The following SATB2 variants were observed in gnomAD, a reference collection of about 807,000 sequenced individuals.
The protein encoded by SATB2 is DNA-binding protein SATB2.
In SATB2, 1 loss-of-function variant was observed where a neutral mutation model predicts 73.4. That is an observed-to-expected ratio of 0.01 (90% CI 0.00 to 0.06). The LOEUF (loss-of-function observed/expected upper bound fraction) is 0.06. SATB2 is among the 10% of genes least tolerant of loss of function. SATB2 has a pLI of 1.00. For synonymous variants in SATB2, 397 were observed against 367.0 expected (o/e 1.08, Z -0.93); for missense variants, 459 against 945.8 (o/e 0.49, Z 6.75).
intron 9 of SATB2, among the ~76,000 whole-genome samples, 160 bp downstream of exon 9, chr2:199,323,643 A>G (rs917479818): frequency 1.3e-5 from 2 of 152,130 alleles, no homozygotes; most frequent in African/African-American, 2.4e-5. Flanking sequence ...TTGAACTCCA[A>G]TGGGAATAAA....
chr2:199,288,539 G>A (rs1056751785), intron 10 of SATB2, among the ~76,000 whole-genome samples: 2 of 152,136 alleles, frequency 1.3e-5, no homozygotes, highest in African/African-American at 4.8e-5. Context: ...AATTTTTACA[G>A]TTGGGGTACT....
intron 6 of SATB2, among the ~76,000 whole-genome samples, chr2:199,368,336 T>C (rs1035103110): frequency 6.6e-6 from 1 of 152,144 alleles, no homozygotes; most frequent in African/African-American, 2.4e-5. Context: ...AGCTTTTAAG[T>C]TTCCATTCTA....
upstream of SATB2, chr2:199,467,365 T>C (rs996752639): frequency 3.9e-5 from 6 of 152,316 alleles, no homozygotes; most frequent in African/African-American, 1.4e-4. Flanking sequence ...AAGTGTGTCT[T>C]TTCCAAGGAG....
chr2:199,390,346 G>C (rs987495264), intron 3 of SATB2, among the ~76,000 whole-genome samples: 1 of 152,072 alleles, frequency 6.6e-6, no homozygotes, highest in Non-Finnish European at 1.5e-5. Context: ...TTTGGGGTTG[G>C]TTCTAAACTT....
intron 10 of SATB2, among the ~76,000 whole-genome samples, chr2:199,299,816 C>T (rs1023233479): frequency 1.3e-5 from 2 of 152,010 alleles, no homozygotes; most frequent in Non-Finnish European, 2.9e-5. Context: ...TCATTTTTTT[C>T]CAAAAGCCAG....
At chr2:199,283,628 C>A (rs894548317) in intron 10 of SATB2, among the ~76,000 whole-genome samples, 1 of 150,180 alleles carries the variant, frequency 6.7e-6, no homozygotes, top group Non-Finnish European at 1.5e-5. Flanking sequence ...CAAAATTTGC[C>A]AATGGTACAA....
chr2:199,381,167 G>C (rs1689761266), intron 4 of SATB2, among the ~76,000 whole-genome samples: 1 of 147,966 alleles, frequency 6.8e-6, no homozygotes, highest in African/African-American at 2.5e-5. Context: ...ATCATCCCCA[G>C]AATCTCTGCA....
At chr2:199,375,036 T>C in intron 5 of SATB2, among the ~76,000 whole-genome samples, 2 of 151,560 alleles carry the variant, frequency 1.3e-5, no homozygotes, top group South Asian at 2.1e-4. Flanking sequence ...CATTTGAACA[T>C]CATGATCACC....
chr2:199,436,389 A>C (rs1387208032), intron 2 of SATB2, among the ~76,000 whole-genome samples: 1 of 152,102 alleles, frequency 6.6e-6, no homozygotes, highest in East Asian at 1.9e-4. Flanking sequence ...TTCTTACAGA[A>C]AGCATGCAAC....
At chr2:199,289,763 T>G (rs1216105125) in intron 10 of SATB2, among the ~76,000 whole-genome samples, 3 of 152,172 alleles carry the variant, frequency 2.0e-5, no homozygotes, top group Non-Finnish European at 4.4e-5. Flanking sequence ...CCAGCCAACA[T>G]CTGAGAGTTC....
At chr2:199,302,974 G>A (rs748766831) in intron 10 of SATB2, among the ~76,000 whole-genome samples, 9 of 152,144 alleles carry the variant, frequency 5.9e-5, no homozygotes, top group Non-Finnish European at 1.0e-4. Flanking sequence ...GGGTTTCAGT[G>A]CATTAGGTGT....
chr2:199,371,216 T>C (rs1318842987), intron 5 of SATB2, among the ~76,000 whole-genome samples: 7 of 152,188 alleles, frequency 4.6e-5, no homozygotes, highest in East Asian at 3.9e-4. Flanking sequence ...TTCATGAATA[T>C]TTTCTAACCC....
At chr2:199,320,053 C>T (rs886284506) in intron 9 of SATB2, among the ~76,000 whole-genome samples, 5 of 152,004 alleles carry the variant, frequency 3.3e-5, no homozygotes, top group African/African-American at 9.7e-5. Context: ...AGGGGGAAAG[C>T]GGCCCTACAG....
chr2:199,289,362 C>A (rs549517598), intron 10 of SATB2, among the ~76,000 whole-genome samples: 2 of 152,248 alleles, frequency 1.3e-5, no homozygotes, highest in Non-Finnish European at 2.9e-5. Flanking sequence ...GAAGAGAAAT[C>A]TCAGTTCCTA....
chr2:199,423,385 T>A (rs536975104), intron 3 of SATB2, among the ~76,000 whole-genome samples: 1 of 152,036 alleles, frequency 6.6e-6, no homozygotes, highest in Non-Finnish European at 1.5e-5. Context: ...AGCCTCCAGG[T>A]GTGCTCTTTT....
rs1022918829 is a variant in SATB2, at chr2:199,386,720, A to G, written c.347-4900T>C. 5.3e-3 allele frequency among the ~76,000 whole-genome samples: 30 copies of G among 5,654 alleles called. No homozygotes were observed. The East Asian group carries it at 0.069, about 13-fold the overall frequency. The allele number at this position is 5,654 out of a possible 152,430, so 3.7% of individuals were successfully genotyped here. On this transcript the variant is annotated intron_variant, in intron 3 of 10. Coordinates refer to ENST00000417098, the MANE Select transcript of SATB2 (RefSeq NM_001172509.2). Reference sequence around the variant, plus strand: ...AGCGCGCGCGCGCGCGCGCGCGCACACACACACACACACACACACACACAC... The same window carrying G: ...AGCGCGCGCGCGCGCGCGCGCGCACGCACACACACACACACACACACACAC...
At chr2:199,356,225 C>CAAAAAAA (rs200509001) in intron 6 of SATB2, among the ~76,000 whole-genome samples, 31 of 100,932 alleles carry the variant, frequency 3.1e-4, no homozygotes, top group Middle Eastern at 6.0e-3. Flanking sequence ...GAACATAAGC[C>CAAAAAAA]AAAAAAAAAA....
At chr2:199,320,892 G>A (rs1340361460) in intron 9 of SATB2, among the ~76,000 whole-genome samples, 1 of 152,172 alleles carries the variant, frequency 6.6e-6, no homozygotes, top group Non-Finnish European at 1.5e-5. Context: ...TAATGGAGGG[G>A]TCATATAAAT....
rs149740350 is a variant in SATB2, at chr2:199,425,947, G to A, written c.346+7391C>T. On this transcript the variant is annotated intron_variant, in intron 3 of 10. Coordinates refer to ENST00000417098, the MANE Select transcript of SATB2 (RefSeq NM_001172509.2). ...AGGAGGACAAAGCATGGGGTCTGTTGAAGAATTGTGTTCTCCAAATAGTGT... is the reference window on the plus strand; with the variant it reads ...AGGAGGACAAAGCATGGGGTCTGTTAAAGAATTGTGTTCTCCAAATAGTGT... Among the ~76,000 whole-genome samples the A allele has an allele frequency of 6.9e-3, 1,043 of 152,230 alleles. 6 individuals carry two copies. The highest frequency in any genetic ancestry group is 0.011 in the Non-Finnish European group (754 of 68,014).
Sources: allele counts gnomAD v4.1 joint callset (sites outside exome capture counted in the v4.1 genomes callset), GRCh38; gene constraint gnomAD v4.1.1; transcripts MANE v1.5; gene names NCBI Gene and HGNC (gene_info 2026-07-23, HGNC 2026-07-21).